Variants in GABRB1 observed in about 807,000 individuals in gnomAD.
GABRB1 encodes the protein gamma-aminobutyric acid receptor subunit beta-1.
GABRB1 carries 17 observed loss-of-function variants against 51.6 expected under a neutral mutation model. The ratio of observed to expected loss-of-function variants is 0.33; its 90% CI spans 0.23 to 0.49. GABRB1 has a LOEUF of 0.49. Among genes scored for constraint, GABRB1 ranks in the 20% least tolerant of loss-of-function variants. GABRB1 has a pLI of 0.99. For synonymous variants in GABRB1, 247 were observed against 218.9 expected (o/e 1.13, Z -1.14); for missense variants, 410 against 600.6 (o/e 0.68, Z 3.32).
chr4:47,229,329 G>A (rs1384280864), intron 4 of GABRB1, among the ~76,000 whole-genome samples: 1 of 152,092 alleles, frequency 6.6e-6, no homozygotes, highest in Non-Finnish European at 1.5e-5. Context: ...GGGGCCAAAT[G>A]TATGACAACG....
At chr4:47,344,924 T>C (rs1304608028) in intron 5 of GABRB1, among the ~76,000 whole-genome samples, 1 of 152,116 alleles carries the variant, frequency 6.6e-6, no homozygotes, top group Non-Finnish European at 1.5e-5. Flanking sequence ...AGTTTCACCA[T>C]GTTGGCTAGG....
Position 47,225,165 on chromosome 4 carries a change from G to A in GABRB1, c.461+63696G>A, listed in dbSNP as rs923058326. Among the ~76,000 whole-genome samples the A allele has an allele frequency of 4.6e-5, 7 of 152,252 alleles. No individual in the cohort carries two copies. The South Asian group carries it at 1.5e-3, about 32-fold the overall frequency. ...ACACTTTGGCCTCCCAAAGTGCTGG[G>A]ATTACAGGCATGAGCCACTGCATAA... On this transcript the variant is annotated intron_variant, in intron 4 of 8. Transcript: ENST00000295454.
At chr4:47,406,984 C>T in intron 8 of GABRB1, 58 bp downstream of exon 8, 1 of 1,498,932 alleles carries the variant, frequency 6.7e-7, no homozygotes, top group South Asian at 1.2e-5. Flanking sequence ...ATCATGATGC[C>T]TCGGGCTCTC....
At chr4:47,178,616 C>T (rs1304342791) in intron 4 of GABRB1, among the ~76,000 whole-genome samples, 1 of 152,048 alleles carries the variant, frequency 6.6e-6, no homozygotes, top group Non-Finnish European at 1.5e-5. Flanking sequence ...ACCAAAGAAG[C>T]TGTATGTGCT....
chr4:47,045,783 G>A (rs577043549), intron 3 of GABRB1, among the ~76,000 whole-genome samples: 1 of 152,110 alleles, frequency 6.6e-6, no homozygotes, highest in South Asian at 2.1e-4. Flanking sequence ...TTATATCGGA[G>A]CTCAAGTTTT....
chr4:47,305,220 C>A (rs1222507247), intron 4 of GABRB1, among the ~76,000 whole-genome samples: 1 of 152,060 alleles, frequency 6.6e-6, no homozygotes, highest in African/African-American at 2.4e-5. Flanking sequence ...CCTAAAATAT[C>A]TAGCTTAATT....
intron 8 of GABRB1, among the ~76,000 whole-genome samples, chr4:47,414,360 G>T (rs1420025695): frequency 6.6e-6 from 1 of 152,186 alleles, no homozygotes; most frequent in Non-Finnish European, 1.5e-5. Flanking sequence ...ATGAACATTG[G>T]TTCGGTCTGG....
At chr4:47,280,549 T>C (rs1023306202) in intron 4 of GABRB1, among the ~76,000 whole-genome samples, 1 of 151,336 alleles carries the variant, frequency 6.6e-6, no homozygotes, top group Non-Finnish European at 1.5e-5. Flanking sequence ...GGTTCCTTTC[T>C]GCATTTCTTA....
intron 3 of GABRB1, among the ~76,000 whole-genome samples, chr4:47,034,887 T>C (rs1239946459): frequency 6.6e-6 from 1 of 152,196 alleles, no homozygotes; most frequent in Admixed American, 6.5e-5. Context: ...ATAAGACTTA[T>C]TGCTTATTGC....
At chr4:47,182,857 C>T (rs73142219) in intron 4 of GABRB1, among the ~76,000 whole-genome samples, 1 of 151,976 alleles carries the variant, frequency 6.6e-6, no homozygotes, top group African/African-American at 2.4e-5. Flanking sequence ...CTTTTACAAG[C>T]TAAACCTCAA....
At chr4:47,058,923 T>TA (rs1388141094) in intron 3 of GABRB1, among the ~76,000 whole-genome samples, 1 of 152,244 alleles carries the variant, frequency 6.6e-6, no homozygotes, top group African/African-American at 2.4e-5. Flanking sequence ...GCACATTTTC[T>TA]AGTTAGTAAA....
Position 47,204,792 on chromosome 4 carries a change from C to T in GABRB1, c.461+43323C>T, listed in dbSNP as rs146008960. On this transcript the variant is annotated intron_variant, in intron 4 of 8. Transcript: ENST00000295454. ...TTCTGCCATGATTGTGAGGCTTCCC[C>T]AGCCACGTGGAACTGTGAGTTCTCC... 2.0e-3 allele frequency among the ~76,000 whole-genome samples: 306 copies of T among 152,262 alleles called. 1 individual carries two copies. The highest frequency in any genetic ancestry group is 7.1e-3 in the African/African-American group (296 of 41,564).
chr4:47,018,627 G>T (rs1724817964), intron 1 of GABRB1, among the ~76,000 whole-genome samples: 1 of 152,110 alleles, frequency 6.6e-6, no homozygotes, highest in South Asian at 2.1e-4. Context: ...ACAAGCAGTT[G>T]ATTGACACAT....
intron 4 of GABRB1, among the ~76,000 whole-genome samples, chr4:47,220,553 C>A (rs1443632241): frequency 1.3e-5 from 2 of 152,070 alleles, no homozygotes; most frequent in Admixed American, 6.6e-5. Flanking sequence ...TTTCTAGGGG[C>A]TTTACCGGTA....
At chr4:47,330,200 C>T (rs1029941502) in intron 5 of GABRB1, among the ~76,000 whole-genome samples, 12 of 152,138 alleles carry the variant, frequency 7.9e-5, no homozygotes, top group South Asian at 2.1e-4. Flanking sequence ...GGTTGGATGA[C>T]GCTCACCCAC....
At chr4:47,077,051 T>G (rs28567990) in intron 3 of GABRB1, among the ~76,000 whole-genome samples, 2,225 of 152,308 alleles carry the variant, frequency 0.015, 44 homozygotes, top group African/African-American at 0.051. Flanking sequence ...TCATCCTCTC[T>G]TCTTTCTAAT....
chr4:47,323,371 T>A (rs1484940742), intron 5 of GABRB1, among the ~76,000 whole-genome samples: 2 of 152,250 alleles, frequency 1.3e-5, no homozygotes, highest in Non-Finnish European at 2.9e-5. Context: ...TGAATTAGCA[T>A]ATGCCAATGT....
At chr4:47,027,750 A>G (rs1167680750), upstream of GABRB1, among the ~76,000 whole-genome samples, 1 of 151,730 alleles carries the variant, frequency 6.6e-6, no homozygotes, top group East Asian at 1.9e-4. Flanking sequence ...TGTAAACATA[A>G]CAAAGGATAT....
intron 3 of GABRB1, among the ~76,000 whole-genome samples, chr4:47,098,553 T>C (rs1714570919): frequency 6.6e-6 from 1 of 152,176 alleles, no homozygotes; most frequent in Non-Finnish European, 1.5e-5. Flanking sequence ...TGATTTATAA[T>C]AAAAAGCTGT....
Sources: allele counts gnomAD v4.1 joint callset (sites outside exome capture counted in the v4.1 genomes callset), GRCh38; gene constraint gnomAD v4.1.1; transcripts MANE v1.5; gene names NCBI Gene and HGNC (gene_info 2026-07-23, HGNC 2026-07-21).